SLC5A10: variants seen among roughly 807,000 people sequenced by gnomAD.
The protein encoded by SLC5A10 is solute carrier family 5 member 10.
A neutral mutation model predicts 68.9 loss-of-function variants in SLC5A10; 55 were observed. The ratio of observed to expected loss-of-function variants is 0.80; its 90% CI spans 0.64 to 1.00. The LOEUF is 1.00. SLC5A10 is among the 50% of genes least tolerant of loss of function. SLC5A10 has a pLI of 0.00. For synonymous variants in SLC5A10, 344 were observed against 344.8 expected (o/e 1.00, Z 0.02); for missense variants, 732 against 819.3 (o/e 0.89, Z 1.30).
intron 9 of SLC5A10, among the ~76,000 whole-genome samples, chr17:18,992,352 T>C (rs1470852141): frequency 2.0e-5 from 3 of 152,088 alleles, no homozygotes; most frequent in African/African-American, 7.2e-5. Context: ...TGGTGCTGCA[T>C]GGGGATCCCC....
At chr17:18,966,410 A>G (rs1286316725) in intron 5 of SLC5A10, among the ~76,000 whole-genome samples, 4 of 152,256 alleles carry the variant, frequency 2.6e-5, no homozygotes, top group Non-Finnish European at 4.4e-5. Flanking sequence ...TTTTGCCTCC[A>G]TGGGCAAGTT....
chr17:18,960,748 C>T, intron 5 of SLC5A10, 96 bp downstream of exon 5: 2 of 1,221,234 alleles, frequency 1.6e-6, no homozygotes, highest in South Asian at 2.5e-5. Flanking sequence ...TCATCTCTGC[C>T]TTGTTTAACA....
chr17:18,976,625 G>A lies in SLC5A10; in HGVS notation c.847-229G>A, dbSNP rs558050909. On this transcript the variant is annotated intron_variant, in intron 8 of 14. Transcript: ENST00000395645. Reference sequence around the variant, plus strand: ...CCCTATTGACAGGTCAGGGGACTGAGTCCCTGGGAATGAGTGTACCTCGGC... The same window carrying A: ...CCCTATTGACAGGTCAGGGGACTGAATCCCTGGGAATGAGTGTACCTCGGC... The A allele has an allele frequency of 6.0e-5, 34 of 562,328 alleles. 1 individual carries two copies. In the Middle Eastern group the frequency reaches 1.4e-3, roughly 23 times the overall value. 34.8% of individuals were successfully genotyped at this position (562,328 alleles called of 1,614,324 possible). A position where few individuals can be genotyped will look rare whatever the true frequency, so the allele number is the denominator to read the frequency against.
chr17:18,988,486 C>G, intron 9 of SLC5A10: 2 of 1,581,062 alleles, frequency 1.3e-6, no homozygotes, highest in Non-Finnish European at 1.7e-6. Flanking sequence ...TGGCAGAGCG[C>G]ACAGCCCTCC....
intron 9 of SLC5A10, among the ~76,000 whole-genome samples, chr17:18,985,686 G>A (rs908770988): frequency 3.3e-5 from 5 of 152,322 alleles, no homozygotes; most frequent in African/African-American, 4.8e-5. Flanking sequence ...GCTCAGAGGC[G>A]AGAATGAGGA....
chr17:18,966,729 G>A (rs1257729116), intron 5 of SLC5A10, among the ~76,000 whole-genome samples: 4 of 130,968 alleles, frequency 3.1e-5, no homozygotes, highest in Admixed American at 1.8e-4. Context: ...CAGCCTGGGT[G>A]ACAGAGCAAG....
At chr17:19,013,348 C>G (rs755258991) in intron 9 of SLC5A10, 62 bp from the exon 10 acceptor site, 1 of 1,595,120 alleles carries the variant, frequency 6.3e-7, no homozygotes, top group Non-Finnish European at 8.5e-7. Context: ...CCAGCCCTAT[C>G]TTGCCCACCC....
intron 5 of SLC5A10, 76 bp downstream of exon 5, chr17:18,960,728 A>G: frequency 7.4e-7 from 1 of 1,342,324 alleles, no homozygotes; most frequent in Non-Finnish European, 1.1e-6. Flanking sequence ...AGGACCTGAC[A>G]TCTTCTCATT....
intron 8 of SLC5A10, among the ~76,000 whole-genome samples, chr17:18,974,768 C>A (rs543932086): frequency 3.3e-5 from 5 of 152,238 alleles, no homozygotes; most frequent in Non-Finnish European, 7.3e-5. Flanking sequence ...CAACAACTCT[C>A]CTCATTTTGC....
intron 8 of SLC5A10, among the ~76,000 whole-genome samples, chr17:18,972,182 G>A (rs986655928): frequency 6.6e-6 from 1 of 152,306 alleles, no homozygotes; most frequent in Admixed American, 6.5e-5. Flanking sequence ...AGCAGATGGT[G>A]CCCTTGCTTT....
In SLC5A10 at chr17:19,017,468, A is replaced by C; in HGVS notation, c.1242-1955A>C. On this transcript the variant is annotated intron_variant, in intron 11 of 14. Transcript: ENST00000395645. This position sits in a 1 kb window ranked among gnomAD's most constrained non-coding sequence, Gnocchi z 5.6. ...TACAGAGAGAAGACCAACAGCCCAG[A>C]GGCCTGGAGAGGAGGCCATCGCAGG... 7.2e-7 allele frequency: 1 copy of C among 1,382,572 alleles called. No individual in the cohort carries two copies. The highest frequency in any genetic ancestry group is 1.0e-6 in the Non-Finnish European group (1 of 995,208). The allele number at this position is 1,382,572 out of a possible 1,614,324, so 85.6% of individuals were successfully genotyped here. A position where few individuals can be genotyped will look rare whatever the true frequency, so the allele number is the denominator to read the frequency against.
chr17:19,002,475 C>A (rs1229394619), intron 9 of SLC5A10, among the ~76,000 whole-genome samples: 1 of 152,246 alleles, frequency 6.6e-6, no homozygotes, highest in Non-Finnish European at 1.5e-5. Context: ...CCGAAGCCAG[C>A]ATTCTGGTCT....
rs868244855 is a variant in SLC5A10, at chr17:18,971,378, C to T, written c.846+160C>T. On this transcript the variant is annotated intron_variant, in intron 8 of 14. Transcript: ENST00000395645. The surrounding 1 kb of genome is among the most constrained non-coding windows in gnomAD (Gnocchi z 5.5). The stretch of plus-strand genomic sequence containing the variant: ...ATGCTGCTAGGGGTCTTTGCGGTCC[C>T]GGGGGGCTTGAGCCCTCCGTTTAGA... 21 of 1,600,016 alleles carry T rather than the reference C, an allele frequency of 1.3e-5. No homozygotes were observed. The African/African-American group carries it at 1.8e-4, about 14-fold the overall frequency.
At chr17:18,977,562 G>C in intron 9 of SLC5A10, 2 of 1,599,336 alleles carry the variant, frequency 1.3e-6, no homozygotes, top group Non-Finnish European at 1.7e-6. Flanking sequence ...GTGACCCCTG[G>C]TGTGCAGGGA....
At chr17:18,953,128 CTT>C (rs34638037) in intron 1 of SLC5A10, among the ~76,000 whole-genome samples, 18,377 of 125,048 alleles carry the variant, frequency 0.15, 1,429 homozygotes, top group Non-Finnish European at 0.19. Flanking sequence ...AGTACCCCTT[CTT>C]TTTTTTTTTT....
Position 19,004,865 on chromosome 17 carries a change from C to T in SLC5A10, c.983-8545C>T, listed in dbSNP as rs948051059. On this transcript the variant is annotated intron_variant, in intron 9 of 14. Transcript: ENST00000395645. The surrounding 1 kb of genome is among the most constrained non-coding windows in gnomAD (Gnocchi z 5.4). ...CGGGGCGGGGCCGGAAGCTGATTCA[C>T]CCCTCGACAGACAGACAGACCTGGG... The T allele has an allele frequency of 7.9e-5, 12 of 151,742 alleles. No individual in the cohort carries two copies. The highest frequency in any genetic ancestry group is 2.7e-4 in the African/African-American group (11 of 41,400). 9.4% of individuals were successfully genotyped at this position (151,742 alleles called of 1,614,324 possible).
rs2044156042 is a variant in SLC5A10 at position 19,017,127 on chromosome 17, C to T, written c.1241+1928C>T. On this transcript the variant is annotated intron_variant, in intron 11 of 14. Coordinates refer to ENST00000395645, the MANE Select transcript of SLC5A10 (RefSeq NM_001042450.4). The surrounding 1 kb of genome is among the most constrained non-coding windows in gnomAD (Gnocchi z 5.6). Reference sequence around the variant, plus strand: ...CCCCTAGCCCTGCAAGCCTGGCAGTCGGCCTCCCTGAGGAGCAAGGCACAA... The same window carrying T: ...CCCCTAGCCCTGCAAGCCTGGCAGTTGGCCTCCCTGAGGAGCAAGGCACAA... Among the ~76,000 whole-genome samples the T allele has an allele frequency of 6.6e-6, 1 of 152,226 alleles. No individual in the cohort carries two copies. The highest frequency in any genetic ancestry group is 1.5e-5 in the Non-Finnish European group (1 of 68,040).
chr17:18,964,388 A>G (rs2042670688), intron 5 of SLC5A10, among the ~76,000 whole-genome samples: 2 of 152,074 alleles, frequency 1.3e-5, no homozygotes, highest in Admixed American at 1.3e-4. Context: ...ACAATACCAT[A>G]AGGCATGACT....
At chr17:18,995,230 T>C (rs2043533955) in intron 9 of SLC5A10, among the ~76,000 whole-genome samples, 1 of 152,038 alleles carries the variant, frequency 6.6e-6, no homozygotes, top group South Asian at 2.1e-4. Flanking sequence ...GATAAAGACA[T>C]AAAAACAGTT....
Sources: allele counts gnomAD v4.1 joint callset (sites outside exome capture counted in the v4.1 genomes callset), GRCh38; gene constraint gnomAD v4.1.1; non-coding constraint Gnocchi (gnomAD v3.1); transcripts MANE v1.5; gene names NCBI Gene and HGNC (gene_info 2026-07-23, HGNC 2026-07-21).